CLYBL: variants seen among roughly 807,000 people sequenced by gnomAD.
CLYBL encodes citramalyl-CoA lyase, mitochondrial.
Under a neutral mutation model 38.9 loss-of-function variants are expected in CLYBL, and 31 were observed. The observed-to-expected ratio is 0.80, with a 90% CI of 0.60 to 1.08. The LOEUF is 1.08. Ranked by LOEUF, CLYBL falls within the 50% of genes least tolerant of loss-of-function variation. The pLI, the probability that CLYBL is intolerant of heterozygous loss-of-function variation, is 0.00. For synonymous variants in CLYBL, 171 were observed against 158.6 expected (o/e 1.08, Z -0.59); for missense variants, 434 against 411.6 (o/e 1.05, Z -0.47).
chr13:99,846,286 A>ATTTTTT (rs5806139), intron 2 of CLYBL, among the ~76,000 whole-genome samples: 6 of 108,148 alleles, frequency 5.5e-5, no homozygotes, highest in East Asian at 2.8e-4. Flanking sequence ...TTGTGTGGAG[A>ATTTTTT]TTTTTTTTTT....
intron 1 of CLYBL, among the ~76,000 whole-genome samples, chr13:99,742,627 G>T (rs1272856295): frequency 1.3e-5 from 2 of 152,126 alleles, no homozygotes; most frequent in African/African-American, 4.8e-5. Flanking sequence ...AGAAATCTAT[G>T]CCCAAACTTT....
intron 7 of CLYBL, among the ~76,000 whole-genome samples, chr13:99,889,204 G>T (rs969686052): frequency 1.3e-5 from 2 of 152,178 alleles, no homozygotes; most frequent in African/African-American, 4.8e-5. Flanking sequence ...TCTGCGCACC[G>T]TTTTGATTTC....
At chr13:99,810,779 G>A (rs2050325501) in intron 2 of CLYBL, among the ~76,000 whole-genome samples, 1 of 152,132 alleles carries the variant, frequency 6.6e-6, no homozygotes, top group African/African-American at 2.4e-5. Flanking sequence ...GGAGGGTGAT[G>A]AGGAAGACAG....
intron 1 of CLYBL, among the ~76,000 whole-genome samples, chr13:99,757,710 C>T (rs368822493): frequency 1.1e-4 from 16 of 152,316 alleles, no homozygotes; most frequent in East Asian, 3.9e-4. Context: ...CCACCCGCCT[C>T]GGCCTCCCAA....
intron 1 of CLYBL, among the ~76,000 whole-genome samples, chr13:99,763,209 A>C (rs1462206415): frequency 6.6e-6 from 1 of 152,172 alleles, no homozygotes; most frequent in Non-Finnish European, 1.5e-5. Flanking sequence ...TATTATATTA[A>C]ATACAAGTGG....
intron 2 of CLYBL, among the ~76,000 whole-genome samples, chr13:99,773,598 C>T: frequency 6.6e-6 from 1 of 152,096 alleles, no homozygotes; most frequent in Non-Finnish European, 1.5e-5. Context: ...TTGCGCCGCC[C>T]CACCTCCCAT....
chr13:99,763,499 G>T (rs144497413), intron 1 of CLYBL, among the ~76,000 whole-genome samples: 1 of 150,072 alleles, frequency 6.7e-6, no homozygotes, highest in Admixed American at 6.6e-5. Flanking sequence ...GATCATCCTC[G>T]CATCCCTGGG....
At chr13:99,875,026 A>G (rs2052002774) in intron 7 of CLYBL, among the ~76,000 whole-genome samples, 1 of 152,218 alleles carries the variant, frequency 6.6e-6, no homozygotes, top group South Asian at 2.1e-4. Context: ...TCTTTGATTC[A>G]TATCATGGCT....
Position 99,719,609 on chromosome 13 carries a change from C to A in CLYBL, c.63-53215C>A, listed in dbSNP as rs1021025330. Among the ~76,000 whole-genome samples, 11 of 152,006 alleles carry A rather than the reference C, an allele frequency of 7.2e-5. No individual in the cohort carries two copies. In the South Asian group the frequency reaches 8.3e-4, roughly 11 times the overall value. ...GCAACCTCCACCTCCTGGGTTCAAG[C>A]GATTCTCCTGCCTCAGCCTCCCTAG... is the stretch of plus-strand genomic sequence containing the variant. On this transcript the variant is annotated intron_variant, in intron 1 of 8. Coordinates refer to ENST00000339105, the MANE Select transcript of CLYBL (RefSeq NM_206808.5).
intron 2 of CLYBL, among the ~76,000 whole-genome samples, chr13:99,797,560 T>TTGTGTGTGTGTGTGTGTGTGTA (rs1555308592): frequency 2.1e-5 from 3 of 141,708 alleles, no homozygotes; most frequent in Non-Finnish European, 3.0e-5. Flanking sequence ...TGTTAGCTGT[T>TTGTGTGTGTGTGTGTGTGTGTA]TGTGTGTGTG....
At chr13:99,852,890 A>T (rs989663628) in intron 2 of CLYBL, among the ~76,000 whole-genome samples, 4 of 152,188 alleles carry the variant, frequency 2.6e-5, no homozygotes, top group Admixed American at 1.3e-4. Flanking sequence ...CTCTCCATCC[A>T]TCGATTTGCT....
intron 1 of CLYBL, among the ~76,000 whole-genome samples, chr13:99,641,556 C>T (rs556615043): frequency 6.6e-6 from 1 of 151,554 alleles, no homozygotes; most frequent in South Asian, 2.1e-4. Context: ...GTAATCTCAG[C>T]ACTTTTGGGA....
At chr13:99,743,965 TC>T (rs371148653) in intron 1 of CLYBL, among the ~76,000 whole-genome samples, 14 of 137,648 alleles carry the variant, frequency 1.0e-4, no homozygotes, top group South Asian at 2.3e-4. Flanking sequence ...TTCTCTTCTT[TC>T]TTTTTTTTTT....
At chr13:99,644,212 A>C (rs1340307387) in intron 1 of CLYBL, among the ~76,000 whole-genome samples, 3 of 136,210 alleles carry the variant, frequency 2.2e-5, no homozygotes, top group South Asian at 2.7e-4. Flanking sequence ...GTATGTGTAT[A>C]TGTGGTGTAT....
At chr13:99,906,790 C>A (rs2052702717) in intron 9 of CLYBL, among the ~76,000 whole-genome samples, 1 of 152,210 alleles carries the variant, frequency 6.6e-6, no homozygotes, top group South Asian at 2.1e-4. Flanking sequence ...ATTAAAACAT[C>A]TTCTGCCTAA....
At chr13:99,696,005 G>A (rs1026504904) in intron 1 of CLYBL, among the ~76,000 whole-genome samples, 4 of 152,138 alleles carry the variant, frequency 2.6e-5, no homozygotes, top group Admixed American at 1.3e-4. Flanking sequence ...CAGTAACAAA[G>A]AACAAAGAAA....
chr13:99,655,323 G>T (rs988390287), intron 1 of CLYBL, among the ~76,000 whole-genome samples: 1 of 152,112 alleles, frequency 6.6e-6, no homozygotes, highest in Admixed American at 6.5e-5. Context: ...TGATCTGTCT[G>T]CCTCGGCCTC....
At chr13:99,709,317 T>A (rs1013301599) in intron 1 of CLYBL, among the ~76,000 whole-genome samples, 1 of 152,140 alleles carries the variant, frequency 6.6e-6, no homozygotes, top group Non-Finnish European at 1.5e-5. Flanking sequence ...CCTCCACAGC[T>A]GTGAGACAAT....
intron 1 of CLYBL, among the ~76,000 whole-genome samples, chr13:99,742,612 A>G (rs1358619450): frequency 1.3e-5 from 2 of 152,232 alleles, no homozygotes; most frequent in Non-Finnish European, 1.5e-5. Context: ...TAAGTAAATC[A>G]CTTTAGAAAT....
Sources: gnomAD v4.1 joint callset for allele counts (sites outside exome capture counted in the v4.1 genomes callset) on GRCh38, gnomAD v4.1.1 for gene constraint, MANE v1.5 for transcripts, NCBI Gene and HGNC (gene_info 2026-07-23, HGNC 2026-07-21) for gene names.